Variants in RBL1 observed in about 807,000 individuals in gnomAD.
RBL1 encodes the protein retinoblastoma-like protein 1.
A neutral mutation model predicts 123.0 loss-of-function variants in RBL1; 82 were observed. That is an observed-to-expected ratio of 0.67 (90% confidence interval 0.56 to 0.80). The LOEUF (loss-of-function observed/expected upper bound fraction) is 0.80, where lower values mean the gene tolerates loss of function less well. Among genes scored for constraint, RBL1 ranks in the 30% least tolerant of loss-of-function variants. The pLI is 0.00. For missense variants in RBL1, 1,171 were observed against 1,299.6 expected, an observed-to-expected ratio of 0.90 and a Z score of 1.52; for synonymous variants, 405 against 441.3, an observed-to-expected ratio of 0.92 and a Z score of 1.03.
chr20:37,043,222 C>T (rs1732323707), intron 13 of RBL1, among the ~76,000 whole-genome samples: 1 of 151,566 alleles, frequency 6.6e-6, no homozygotes, highest in Non-Finnish European at 1.5e-5. Flanking sequence ...TGGCTCAAGC[C>T]TCTAGCCTCT....
intron 2 of RBL1, among the ~76,000 whole-genome samples, chr20:37,068,805 GTC>G (rs2065225944): frequency 1.3e-5 from 2 of 152,164 alleles, no homozygotes; most frequent in South Asian, 4.1e-4. Flanking sequence ...AAGAAACCCC[GTC>G]TCTACTACAA....
intron 11 of RBL1, among the ~76,000 whole-genome samples, chr20:37,053,443 T>G (rs1247077304): frequency 2.6e-5 from 4 of 152,196 alleles, no homozygotes; most frequent in Non-Finnish European, 5.9e-5. Flanking sequence ...TGTGGGTGTG[T>G]GTGTGTCCTA....
rs1021789268 is a variant in RBL1, at chr20:37,061,198, A to G, written c.1155T>C (p.Thr385=). The stretch of plus-strand genomic sequence containing the variant: ...CACTTTGGGTGGCTGATGCAACAGG[A>G]GTAATGACTGCTTCTTTTTCTCGTA... The part of the protein sequence containing the change: ...RYLREKEAVI[T]PVASATQSVS... The change falls in exon 9 of 22, where the codon ACT becomes ACC. Residue 385 remains threonine (T), a synonymous_variant. Coordinates refer to ENST00000373664, the MANE Select transcript of RBL1 (RefSeq NM_002895.5). 1.2e-6 allele frequency: 2 copies of G among 1,614,172 alleles called. No individual in the cohort carries two copies. The highest frequency in any genetic ancestry group is 1.7e-5 in the Admixed American group (1 of 60,012).
intron 21 of RBL1, among the ~76,000 whole-genome samples, chr20:36,999,319 C>T (rs6016964): frequency 6.6e-6 from 1 of 150,950 alleles, no homozygotes; most frequent in African/African-American, 2.4e-5. Context: ...GGAGCATCAC[C>T]TGAGCCTGGG....
chr20:37,033,018 C>A, intron 15 of RBL1, 142 bp from the exon 16 acceptor site: 825 of 899,974 alleles, frequency 9.2e-4, no homozygotes, highest in Non-Finnish European at 1.1e-3. Context: ...TGACTGAATT[C>A]TTTTTTTTTT....
At position 37,094,472 on chromosome 20, in the gene RBL1, T is replaced by C. The variant is rs1316690752; in HGVS notation, c.156+1301A>G. Among the ~76,000 whole-genome samples the C allele has an allele frequency of 2.6e-5, 4 of 152,204 alleles. No individual in the cohort carries two copies. The South Asian group carries it at 8.3e-4, about 32-fold the overall frequency. On this transcript the variant is annotated intron_variant, in intron 1 of 21. Transcript: ENST00000373664. ...CATACAATCGACACTTTTCCAACTC[T>C]ATGCCTTTGAACCCAGCAATTATTT...
intron 2 of RBL1, among the ~76,000 whole-genome samples, chr20:37,076,601 A>G (rs2065367457): frequency 6.6e-6 from 1 of 152,218 alleles, no homozygotes; most frequent in African/African-American, 2.4e-5. Context: ...TAAAACTTAA[A>G]ATTGTTTATT....
rs2064537327 is a variant in RBL1, at chr20:37,032,879, GAATGT to G, written c.2171-8_2171-4del. On this transcript the variant is annotated splice_region_variant and splice_polypyrimidine_tract_variant and intron_variant, in intron 15 of 21. Transcript: ENST00000373664. The stretch of plus-strand genomic sequence containing the variant: ...CTCTCCAGCATCATTTGCGACACCT[GAATGT>G]ATAAGCATTATTAGAAATAATCTGC... The G allele has an allele frequency of 6.2e-7, 1 of 1,613,634 alleles. No individual in the cohort carries two copies. Among genetic ancestry groups the G allele is most frequent in the Admixed American group, 1.7e-5 (1 of 59,982 alleles).
At chr20:37,004,003 A>T in intron 20 of RBL1, 137 bp from the exon 21 acceptor site, 1 of 660,168 alleles carries the variant, frequency 1.5e-6, no homozygotes, top group Non-Finnish European at 2.3e-6. Context: ...GAGAAAAAAA[A>T]TGATCCTTTA....
chr20:37,087,334 A>C (rs914702694), intron 2 of RBL1, among the ~76,000 whole-genome samples: 27 of 142,996 alleles, frequency 1.9e-4, no homozygotes, highest in African/African-American at 4.6e-4. Flanking sequence ...ACTCTGTCCC[A>C]AAAAAAAAAA....
At chr20:37,010,159 A>C (rs1329089308) in intron 19 of RBL1, among the ~76,000 whole-genome samples, 2 of 151,888 alleles carry the variant, frequency 1.3e-5, no homozygotes, top group Admixed American at 1.3e-4. Flanking sequence ...AGAGTTCAAG[A>C]CCAGTCTGGG....
At chr20:37,053,297 C>T (rs1007210341) in intron 11 of RBL1, among the ~76,000 whole-genome samples, 2 of 152,206 alleles carry the variant, frequency 1.3e-5, no homozygotes, top group Non-Finnish European at 2.9e-5. Flanking sequence ...AATGGATTCC[C>T]AGCTGGGGCC....
chr20:37,026,507 C>T (rs1406130935), intron 16 of RBL1, among the ~76,000 whole-genome samples: 1 of 151,316 alleles, frequency 6.6e-6, no homozygotes, highest in African/African-American at 2.4e-5. Context: ...AGTTCAAGAT[C>T]AGCCTGGCCA....
Position 37,095,709 on chromosome 20 carries a change from G to A in RBL1, c.156+64C>T, listed in dbSNP as rs557306872. The A allele has an allele frequency of 5.6e-6, 8 of 1,423,598 alleles. No individual in the cohort carries two copies. In the East Asian group the frequency reaches 7.4e-5, roughly 13 times the overall value. The allele number at this position is 1,423,598 out of a possible 1,614,324, so 88.2% of individuals were successfully genotyped here. On this transcript the variant is annotated intron_variant, in intron 1 of 21. Coordinates refer to ENST00000373664, the MANE Select transcript of RBL1 (RefSeq NM_002895.5). Reference sequence around the variant, plus strand: ...TCCCACCACCCCATAGGCCGAGGAAGGGGCGGGGCAGGGGTGGGGCCTGGC... The same window carrying A: ...TCCCACCACCCCATAGGCCGAGGAAAGGGCGGGGCAGGGGTGGGGCCTGGC...
intron 14 of RBL1, 93 bp from the exon 15 acceptor site, chr20:37,035,601 CT>C: frequency 1.8e-6 from 2 of 1,116,920 alleles, no homozygotes; most frequent in Non-Finnish European, 2.5e-6. Flanking sequence ...GTTACTTATG[CT>C]GGGCACTAGC....
At chr20:37,021,826 G>A (rs1385639540) in intron 17 of RBL1, 1 of 195,166 alleles carries the variant, frequency 5.1e-6, no homozygotes, top group Non-Finnish European at 1.1e-5. Context: ...GAAGCTATCA[G>A]ATGCAATTTG....
intron 12 of RBL1, 38 bp from the exon 13 acceptor site, chr20:37,044,288 G>T (rs766371345): frequency 6.2e-7 from 1 of 1,605,018 alleles, no homozygotes; most frequent in Non-Finnish European, 8.5e-7. Context: ...GTGGTTTCAA[G>T]CAGTTAGTTC....
At chr20:37,020,978 C>G (rs2064332564) in intron 17 of RBL1, among the ~76,000 whole-genome samples, 1 of 152,112 alleles carries the variant, frequency 6.6e-6, no homozygotes, top group Non-Finnish European at 1.5e-5. Flanking sequence ...TGGTGTGACT[C>G]TACTGAAAAT....
At chr20:37,081,840 A>C (rs955478994) in intron 2 of RBL1, 1 of 356,638 alleles carries the variant, frequency 2.8e-6, no homozygotes, top group Non-Finnish European at 5.6e-6. Flanking sequence ...ACAAAGTATG[A>C]ATCTCAAACC....
Sources: gnomAD v4.1 joint callset for allele counts (sites outside exome capture counted in the v4.1 genomes callset) on GRCh38, gnomAD v4.1.1 for gene constraint, MANE v1.5 for transcripts, NCBI Gene and HGNC (gene_info 2026-07-23, HGNC 2026-07-21) for gene names.